The following TNFRSF19 variants were observed in gnomAD, a reference collection of about 807,000 sequenced individuals.
TNFRSF19 encodes TNF receptor superfamily member 19.
A neutral mutation model predicts 46.4 loss-of-function variants in TNFRSF19; 27 were observed. The ratio of observed to expected loss-of-function variants is 0.58; its 90% CI spans 0.43 to 0.80. TNFRSF19 has a LOEUF of 0.80. Ranked by LOEUF, TNFRSF19 falls within the 30% of genes least tolerant of loss-of-function variation. The probability of loss-of-function intolerance (pLI) is 0.00; values close to 1 mark genes in which losing one functional copy is unlikely to be tolerated. For synonymous variants in TNFRSF19, 204 were observed against 205.0 expected (o/e 1.00, Z 0.04); for missense variants, 511 against 530.8 (o/e 0.96, Z 0.37).
rs751759320 is a variant in TNFRSF19 at position 23,669,052 on chromosome 13, G to A, written c.1200G>A (p.Gln400=). ...TAACTATGAGAAGCCAGCTAGATCA[G>A]GAGAGTGGTGCTGTCATCCACCCAG... is the stretch of plus-strand genomic sequence containing the variant. ...DALTMRSQLD[Q]ESGAVIHPAT... is the part of the protein sequence containing the mutation. The change falls in exon 9 of 10, where the codon CAG becomes CAA. Residue 400 remains glutamine, a synonymous_variant. Coordinates refer to ENST00000248484, the MANE Select transcript of TNFRSF19 (RefSeq NM_148957.4). 22 of 1,614,172 alleles carry A rather than the reference G, an allele frequency of 1.4e-5. No homozygotes were observed. The highest frequency in any genetic ancestry group is 1.8e-5 in the Non-Finnish European group (21 of 1,180,038).
intron 1 of TNFRSF19, among the ~76,000 whole-genome samples, chr13:23,580,728 A>G (rs1276607472): frequency 2.6e-5 from 4 of 152,278 alleles, no homozygotes; most frequent in African/African-American, 9.6e-5. Flanking sequence ...GTACTTAAAA[A>G]GAAAGCTTCT....
rs1403271296 is a variant in TNFRSF19 at position 23,675,933 on chromosome 13, AAAAG to A, written c.*2558_*2561del. 3.9e-5 allele frequency: 6 copies of A among 152,340 alleles called. 1 individual carries two copies. The highest frequency in any genetic ancestry group is 1.2e-4 in the African/African-American group (5 of 41,578). The allele number at this position is 152,340 out of a possible 1,614,324, so 9.4% of individuals were successfully genotyped here. ...AGCACTATTGTCTGTGCTAGTAAGA[AAAAG>A]AAAGGAAAACCATCATTGCTTTATA... On this transcript the variant is annotated 3_prime_UTR_variant, in exon 10 of 10. Transcript: ENST00000248484.
chr13:23,587,360 A>T (rs2149499), intron 1 of TNFRSF19, among the ~76,000 whole-genome samples: 1 of 151,956 alleles, frequency 6.6e-6, no homozygotes, highest in Non-Finnish European at 1.5e-5. Flanking sequence ...CCACCAGCTA[A>T]ATTGTTTATT....
In TNFRSF19 at chr13:23,668,919, T is replaced by C. The variant is rs755496891; in HGVS notation, c.1067T>C (p.Val356Ala). The change falls in exon 9 of 10, where the codon GTT becomes GCT. Residue 356 changes from valine (V) to alanine (A), a missense_variant. By Grantham distance (64) the Val-to-Ala change is moderately conservative (BLOSUM62 0). Transcript: ENST00000248484. ...SLDSNSSQDL[V>A]GGAVPVQSHS... ...GATTCAAATAGCAGTCAAGATTTGG[T>C]TGGTGGGGCTGTTCCAGTCCAGTCT... 6.2e-7 allele frequency: 1 copy of C among 1,614,244 alleles called. No homozygotes were observed. Among genetic ancestry groups the C allele is most frequent in the African/African-American group, 1.3e-5 (1 of 75,062 alleles).
intron 4 of TNFRSF19, among the ~76,000 whole-genome samples, chr13:23,623,482 A>G (rs1881803095): frequency 6.6e-6 from 1 of 152,150 alleles, no homozygotes; most frequent in East Asian, 1.9e-4. Flanking sequence ...GAATTGCTGG[A>G]TTATATGGTA....
At chr13:23,667,685 T>C (rs572038655) in intron 7 of TNFRSF19, among the ~76,000 whole-genome samples, 1 of 152,206 alleles carries the variant, frequency 6.6e-6, no homozygotes, top group East Asian at 1.9e-4. Context: ...TTTTTCATCC[T>C]CCCAAACTGA....
chr13:23,645,164 G>A (rs533417797), intron 5 of TNFRSF19, among the ~76,000 whole-genome samples: 1 of 152,142 alleles, frequency 6.6e-6, no homozygotes, highest in Non-Finnish European at 1.5e-5. Flanking sequence ...GTACAAACTT[G>A]CTTTCTGTAA....
At chr13:23,593,578 T>C in intron 3 of TNFRSF19, 123 bp downstream of exon 3, 1 of 710,766 alleles carries the variant, frequency 1.4e-6, no homozygotes. Context: ...TGGATCATTA[T>C]GTCACTTTAG....
At chr13:23,595,199 TCTC>T (rs1160830750) in intron 3 of TNFRSF19, among the ~76,000 whole-genome samples, 1 of 152,042 alleles carries the variant, frequency 6.6e-6, no homozygotes, top group African/African-American at 2.4e-5. Flanking sequence ...GAACATCTCT[TCTC>T]CTCCAAAGGA....
intron 4 of TNFRSF19, 83 bp from the exon 5 acceptor site, chr13:23,626,623 TA>T: frequency 7.8e-7 from 1 of 1,283,348 alleles, no homozygotes. Context: ...GTAGAACTGG[TA>T]ATGGAGACTG....
At chr13:23,591,813 C>T (rs568022927) in intron 2 of TNFRSF19, among the ~76,000 whole-genome samples, 6 of 151,600 alleles carry the variant, frequency 4.0e-5, no homozygotes, top group African/African-American at 1.2e-4. Context: ...GCAACCTCCG[C>T]TTCCCAGTTT....
chr13:23,605,907 C>T (rs1422902504), intron 3 of TNFRSF19, among the ~76,000 whole-genome samples: 2 of 152,098 alleles, frequency 1.3e-5, no homozygotes, highest in African/African-American at 2.4e-5. Context: ...GTTGTTCAAA[C>T]TCACAGAATA....
chr13:23,654,814 A>G (rs1048708900), intron 5 of TNFRSF19, among the ~76,000 whole-genome samples: 3 of 152,190 alleles, frequency 2.0e-5, no homozygotes, highest in African/African-American at 7.2e-5. Context: ...TGGGTATCAA[A>G]TGAAGCTCAT....
chr13:23,608,622 G>T (rs912159506), intron 3 of TNFRSF19, among the ~76,000 whole-genome samples: 3 of 152,156 alleles, frequency 2.0e-5, no homozygotes, highest in Non-Finnish European at 2.9e-5. Flanking sequence ...TGGTGGAAGT[G>T]GTCTCTATCT....
At chr13:23,623,988 C>G (rs9578622) in intron 4 of TNFRSF19, among the ~76,000 whole-genome samples, 13,768 of 152,014 alleles carry the variant, frequency 0.091, 709 homozygotes, top group Middle Eastern at 0.12. Flanking sequence ...TCTCTTGTTT[C>G]CTATGGTTTT....
chr13:23,622,807 A>G (rs897061486), intron 4 of TNFRSF19, among the ~76,000 whole-genome samples: 4 of 152,172 alleles, frequency 2.6e-5, no homozygotes, highest in African/African-American at 7.2e-5. Flanking sequence ...ATTTAATTCA[A>G]TGAACTTCTA....
chr13:23,641,107 T>C (rs1466720345), intron 5 of TNFRSF19, among the ~76,000 whole-genome samples: 1 of 152,208 alleles, frequency 6.6e-6, no homozygotes, highest in East Asian at 1.9e-4. Flanking sequence ...TTACACTCAA[T>C]TATGGTACTA....
intron 1 of TNFRSF19, among the ~76,000 whole-genome samples, chr13:23,589,548 G>C (rs1204028115): frequency 1.3e-5 from 2 of 152,188 alleles, no homozygotes; most frequent in African/African-American, 4.8e-5. Context: ...TGTGACACAG[G>C]AGCTGTAGAA....
chr13:23,671,072 G>A (rs560217025), intron 9 of TNFRSF19, among the ~76,000 whole-genome samples: 3 of 152,176 alleles, frequency 2.0e-5, no homozygotes, highest in Non-Finnish European at 4.4e-5. Context: ...TGTTGGTGGT[G>A]TGGCGGGGAC....
Sources: gnomAD v4.1 joint callset for allele counts (sites outside exome capture counted in the v4.1 genomes callset) on GRCh38, gnomAD v4.1.1 for gene constraint, MANE v1.5 for transcripts, NCBI Gene and HGNC (gene_info 2026-07-23, HGNC 2026-07-21) for gene names.